LDLRAD3: variants seen among roughly 807,000 people sequenced by gnomAD.
LDLRAD3 encodes low-density lipoprotein receptor class A domain-containing protein 3.
Under a neutral mutation model 29.4 loss-of-function variants are expected in LDLRAD3, and 20 were observed. The observed-to-expected ratio is 0.68, with a 90% CI of 0.48 to 0.99. The LOEUF (loss-of-function observed/expected upper bound fraction) is 0.99. Ranked by LOEUF, LDLRAD3 falls within the 50% of genes least tolerant of loss-of-function variation. The pLI is 0.00. For synonymous variants in LDLRAD3, 157 were observed against 192.7 expected (o/e 0.81, Z 1.53); for missense variants, 420 against 454.3 (o/e 0.92, Z 0.69).
chr11:36,041,632 G>A (rs994554428), intron 2 of LDLRAD3, among the ~76,000 whole-genome samples: 1 of 152,184 alleles, frequency 6.6e-6, no homozygotes, highest in Non-Finnish European at 1.5e-5. Flanking sequence ...CTGTAATAAA[G>A]CAGCAGTCCA....
At position 36,229,491 on chromosome 11, in the gene LDLRAD3, T is replaced by A; in HGVS notation, c.*94T>A. 1.2e-6 allele frequency: 1 copy of A among 861,580 alleles called. No individual in the cohort carries two copies. The highest frequency in any genetic ancestry group is 1.9e-6 in the Non-Finnish European group (1 of 539,352). The allele number at this position is 861,580 out of a possible 1,614,324, so 53.4% of individuals were successfully genotyped here. On this transcript the variant is annotated 3_prime_UTR_variant, in exon 6 of 6. Transcript: ENST00000315571. ...TCATGGGAAGCTCTTTAAGCACCTG[T>A]AAGGGTGTCTCAAGTTACAGTTTGG...
At chr11:36,159,026 T>C (rs768102263) in intron 4 of LDLRAD3, among the ~76,000 whole-genome samples, 23 of 152,200 alleles carry the variant, frequency 1.5e-4, no homozygotes, top group Non-Finnish European at 2.9e-4. Flanking sequence ...GTTTTTCTAA[T>C]TGTAATTTTG....
intron 2 of LDLRAD3, among the ~76,000 whole-genome samples, chr11:36,078,418 C>T (rs1308597484): frequency 6.6e-6 from 1 of 152,226 alleles, no homozygotes; most frequent in African/African-American, 2.4e-5. Flanking sequence ...ACCCAAAGTC[C>T]GGAGGCGGCT....
At chr11:36,137,908 C>T (rs955648568) in intron 4 of LDLRAD3, among the ~76,000 whole-genome samples, 5 of 152,188 alleles carry the variant, frequency 3.3e-5, no homozygotes, top group East Asian at 1.9e-4. Context: ...TATTCACAGA[C>T]GTCTCTAGTT....
chr11:36,228,430 G>A (rs578003926), intron 5 of LDLRAD3, among the ~76,000 whole-genome samples: 8 of 152,310 alleles, frequency 5.3e-5, no homozygotes, highest in Non-Finnish European at 7.3e-5. Flanking sequence ...AACAGAATGC[G>A]TGGGTTCAAA....
At chr11:36,023,866 A>G (rs1029243531) in intron 1 of LDLRAD3, among the ~76,000 whole-genome samples, 3 of 152,154 alleles carry the variant, frequency 2.0e-5, no homozygotes, top group Non-Finnish European at 4.4e-5. Context: ...GGGTTCGTTC[A>G]TGTGTATAGT....
intron 3 of LDLRAD3, among the ~76,000 whole-genome samples, chr11:36,085,536 T>C (rs1232849554): frequency 6.6e-6 from 1 of 152,168 alleles, no homozygotes; most frequent in Non-Finnish European, 1.5e-5. Flanking sequence ...CCTTTCTTTA[T>C]GGGAGTCTAA....
intron 1 of LDLRAD3, among the ~76,000 whole-genome samples, chr11:35,990,477 G>C (rs1851674120): frequency 6.6e-6 from 1 of 152,056 alleles, no homozygotes. Context: ...GAGTTCAGTG[G>C]CGTGATCTCA....
chr11:36,136,925 G>C (rs140406876), intron 4 of LDLRAD3, among the ~76,000 whole-genome samples: 3 of 151,974 alleles, frequency 2.0e-5, no homozygotes. Flanking sequence ...TCCTGGCCTC[G>C]AGTGATCCAC....
At chr11:35,951,461 G>A (rs978508697) in intron 1 of LDLRAD3, among the ~76,000 whole-genome samples, 2 of 152,124 alleles carry the variant, frequency 1.3e-5, no homozygotes, top group Admixed American at 6.5e-5. Context: ...AAGCAATTTG[G>A]CAGTTTCCCT....
intron 1 of LDLRAD3, among the ~76,000 whole-genome samples, chr11:36,000,583 T>C (rs1252665531): frequency 6.6e-6 from 1 of 152,196 alleles, no homozygotes; most frequent in Non-Finnish European, 1.5e-5. Context: ...ACTATATTTC[T>C]TTATATGTGT....
At chr11:36,012,597 T>A (rs924748743) in intron 1 of LDLRAD3, among the ~76,000 whole-genome samples, 18 of 152,162 alleles carry the variant, frequency 1.2e-4, no homozygotes, top group African/African-American at 4.3e-4. Flanking sequence ...CTTAAGTGAC[T>A]AATAGGCAGA....
chr11:36,163,879 G>T (rs1382568487), intron 4 of LDLRAD3, among the ~76,000 whole-genome samples: 1 of 152,212 alleles, frequency 6.6e-6, no homozygotes, highest in Non-Finnish European at 1.5e-5. Context: ...AAGTTCACTG[G>T]TTTAGAGCAC....
At chr11:36,017,592 G>A (rs1590208500) in intron 1 of LDLRAD3, among the ~76,000 whole-genome samples, 3 of 147,586 alleles carry the variant, frequency 2.0e-5, no homozygotes, top group African/African-American at 7.5e-5. Context: ...GCATTGGCGT[G>A]ATCTTGGCTC....
chr11:36,158,679 A>G (rs1854391065), intron 4 of LDLRAD3, among the ~76,000 whole-genome samples: 1 of 152,142 alleles, frequency 6.6e-6, no homozygotes, highest in Non-Finnish European at 1.5e-5. Flanking sequence ...ATATCCCATC[A>G]GCTGGAGCAG....
intron 1 of LDLRAD3, among the ~76,000 whole-genome samples, chr11:36,021,432 T>C (rs1438795299): frequency 1.3e-5 from 2 of 151,718 alleles, no homozygotes; most frequent in Non-Finnish European, 2.9e-5. Flanking sequence ...GGTGTGAGGG[T>C]GGCCAAGGGA....
chr11:36,227,440 G>A lies in LDLRAD3; in HGVS notation c.800+10G>A, dbSNP rs747789364. 3.3e-6 allele frequency: 5 copies of A among 1,533,706 alleles called. No individual in the cohort carries two copies. In the South Asian group the frequency reaches 6.4e-5, roughly 20 times the overall value. ...CCTTGCTGGACCAGAGGTGTGTGCT[G>A]GATGGAAGAGATTGAGGCGGGAGAG... On this transcript the variant is annotated intron_variant, in intron 5 of 5. Transcript: ENST00000315571.
intron 4 of LDLRAD3, among the ~76,000 whole-genome samples, chr11:36,193,588 T>C (rs1383079210): frequency 6.6e-6 from 1 of 152,232 alleles, no homozygotes; most frequent in Non-Finnish European, 1.5e-5. Context: ...TTGTGCCTAC[T>C]GCCTCTGTGT....
At chr11:36,170,568 A>G (rs1217326208) in intron 4 of LDLRAD3, among the ~76,000 whole-genome samples, 1 of 152,052 alleles carries the variant, frequency 6.6e-6, no homozygotes, top group East Asian at 1.9e-4. Flanking sequence ...TTAGTTCTTT[A>G]AGGAATCTCC....
Sources: gnomAD v4.1 joint callset for allele counts (sites outside exome capture counted in the v4.1 genomes callset) on GRCh38, gnomAD v4.1.1 for gene constraint, MANE v1.5 for transcripts, NCBI Gene and HGNC (gene_info 2026-07-23, HGNC 2026-07-21) for gene names.